The following SLC24A2 variants were observed in gnomAD, a reference collection of about 807,000 sequenced individuals.
SLC24A2 encodes sodium/potassium/calcium exchanger 2.
A neutral mutation model predicts 62.0 loss-of-function variants in SLC24A2; 36 were observed. That is an observed-to-expected ratio of 0.58 (90% CI 0.44 to 0.77). The LOEUF (loss-of-function observed/expected upper bound fraction) is 0.77, where lower values mean the gene tolerates loss of function less well. Ranked by LOEUF, SLC24A2 falls within the 30% of genes least tolerant of loss-of-function variation. The pLI is 0.00. For missense variants in SLC24A2, 846 were observed against 817.9 expected, an observed-to-expected ratio of 1.03 and a Z score of -0.42; for synonymous variants, 358 against 294.0, an observed-to-expected ratio of 1.22 and a Z score of -2.23.
chr9:19,968,661 C>T, the SLC24A2 span, among the ~76,000 whole-genome samples: 1 of 152,160 alleles, frequency 6.6e-6, no homozygotes, highest in Non-Finnish European at 1.5e-5. Flanking sequence ...AAGTTAAGGA[C>T]TTCACCCAAG....
the SLC24A2 span, among the ~76,000 whole-genome samples, chr9:20,279,805 G>A: frequency 2.6e-5 from 4 of 152,180 alleles, no homozygotes; most frequent in Non-Finnish European, 5.9e-5. Flanking sequence ...ATTAAAACAA[G>A]TGTTCCTTCC....
intron 5 of SLC24A2, among the ~76,000 whole-genome samples, chr9:19,584,770 A>C (rs1482330291): frequency 1.3e-5 from 2 of 152,124 alleles, no homozygotes; most frequent in South Asian, 4.1e-4. Context: ...ACCACCAAAA[A>C]CAGAATTTTA....
chr9:20,010,892 G>C, the SLC24A2 span, among the ~76,000 whole-genome samples: 22 of 151,846 alleles, frequency 1.4e-4, no homozygotes, highest in Admixed American at 5.9e-4. Context: ...AGTTTGCTGA[G>C]AATGATGGTT....
At chr9:19,642,546 T>C (rs1032667497) in intron 2 of SLC24A2, among the ~76,000 whole-genome samples, 2 of 152,188 alleles carry the variant, frequency 1.3e-5, no homozygotes, top group African/African-American at 4.8e-5. Context: ...AGTTCACTAA[T>C]GCAGAGGCCA....
At chr9:19,769,554 T>C (rs1267508589) in intron 2 of SLC24A2, among the ~76,000 whole-genome samples, 2 of 152,224 alleles carry the variant, frequency 1.3e-5, no homozygotes, top group East Asian at 1.9e-4. Flanking sequence ...AGGTAAAGTG[T>C]TGTGTTTTGA....
At chr9:20,235,060 T>C in the SLC24A2 span, among the ~76,000 whole-genome samples, 1,055 of 152,328 alleles carry the variant, frequency 6.9e-3, 7 homozygotes, top group Non-Finnish European at 0.012. Context: ...GAAACGCAAA[T>C]GCTGCTGCCT....
chr9:20,168,186 T>A, the SLC24A2 span, among the ~76,000 whole-genome samples: 1 of 152,124 alleles, frequency 6.6e-6, no homozygotes, highest in Non-Finnish European at 1.5e-5. Flanking sequence ...TTATAGAGGA[T>A]TGAAAGAGAA....
chr9:19,942,105 G>A, the SLC24A2 span, among the ~76,000 whole-genome samples: 1 of 152,092 alleles, frequency 6.6e-6, no homozygotes, highest in Non-Finnish European at 1.5e-5. Flanking sequence ...AATTTTCCAA[G>A]CCTTATGCAT....
chr9:20,160,040 C>T, the SLC24A2 span, among the ~76,000 whole-genome samples: 1 of 151,154 alleles, frequency 6.6e-6, no homozygotes, highest in African/African-American at 2.4e-5. Context: ...CTATGCTGAA[C>T]ATAAGACTCA....
chr9:20,118,396 A>G, the SLC24A2 span, among the ~76,000 whole-genome samples: 2 of 152,098 alleles, frequency 1.3e-5, no homozygotes, highest in Admixed American at 1.3e-4. Context: ...GAAACTAGAA[A>G]CATTATGAAA....
chr9:19,628,110 TG>T (rs1818081253), intron 2 of SLC24A2, among the ~76,000 whole-genome samples: 1 of 152,124 alleles, frequency 6.6e-6, no homozygotes, highest in South Asian at 2.1e-4. Flanking sequence ...GTAAGATCCT[TG>T]AGGACAGGAT....
chr9:19,668,362 C>T (rs1042622670), intron 2 of SLC24A2, among the ~76,000 whole-genome samples: 1 of 152,150 alleles, frequency 6.6e-6, no homozygotes, highest in Admixed American at 6.6e-5. Context: ...GGTGAAATTG[C>T]ACAGCCCAGA....
At chr9:19,587,612 GC>G (rs902560835) in intron 5 of SLC24A2, among the ~76,000 whole-genome samples, 4 of 152,002 alleles carry the variant, frequency 2.6e-5, no homozygotes, top group African/African-American at 9.7e-5. Context: ...AACTTACCAT[GC>G]CTAATTGAAC....
the SLC24A2 span, among the ~76,000 whole-genome samples, chr9:19,903,546 A>C: frequency 1.3e-5 from 2 of 152,322 alleles, no homozygotes; most frequent in South Asian, 4.1e-4. Context: ...GCAGAAAGGA[A>C]ACAAAAGCCC....
chr9:20,086,897 G>C, the SLC24A2 span, among the ~76,000 whole-genome samples: 2 of 152,168 alleles, frequency 1.3e-5, no homozygotes, highest in Non-Finnish European at 2.9e-5. Context: ...ACACTTACAA[G>C]AGGTTATTTG....
chr9:20,216,228 G>A, the SLC24A2 span, among the ~76,000 whole-genome samples: 2 of 152,170 alleles, frequency 1.3e-5, no homozygotes, highest in Admixed American at 6.5e-5. Context: ...GTTTGCCTCA[G>A]GAAAATGTGT....
At chr9:19,701,814 T>A (rs1000305341) in intron 2 of SLC24A2, among the ~76,000 whole-genome samples, 1 of 152,230 alleles carries the variant, frequency 6.6e-6, no homozygotes, top group Non-Finnish European at 1.5e-5. Flanking sequence ...TCAGGCCTCA[T>A]CTTAATCCCA....
chr9:19,723,319 T>G (rs904009569), intron 2 of SLC24A2, among the ~76,000 whole-genome samples: 1 of 152,100 alleles, frequency 6.6e-6, no homozygotes, highest in Admixed American at 6.6e-5. Context: ...GGAGTTTTAA[T>G]GTATTTCATA....
chr9:20,121,459 C>A, the SLC24A2 span, among the ~76,000 whole-genome samples: 1 of 152,142 alleles, frequency 6.6e-6, no homozygotes, highest in African/African-American at 2.4e-5. Flanking sequence ...AGATCATGTG[C>A]ATAATGTTAT....
Sources: allele counts gnomAD v4.1 joint callset (sites outside exome capture counted in the v4.1 genomes callset), GRCh38; gene constraint gnomAD v4.1.1; transcripts MANE v1.5; gene names NCBI Gene and HGNC (gene_info 2026-07-23, HGNC 2026-07-21).